SLC17A3: variants seen among roughly 807,000 people sequenced by gnomAD.
The protein encoded by SLC17A3 is sodium-dependent phosphate transport protein 4.
In SLC17A3, 61 loss-of-function variants were observed where a neutral mutation model predicts 60.3. That is an observed-to-expected ratio of 1.01 (90% CI 0.82 to 1.25). The LOEUF is 1.25. Ranked by LOEUF, SLC17A3 falls within the 50% of genes most tolerant of loss-of-function variation. SLC17A3 has a pLI of 0.00. For missense variants in SLC17A3, 624 were observed against 594.9 expected (o/e 1.05, Z -0.51); for synonymous variants, 192 against 208.9 (o/e 0.92, Z 0.70).
chr6:25,845,396 G>C lies in SLC17A3; in HGVS notation c.1483C>G (p.Leu495Val). ...DVQEWAKERK[L>V]TRL is the part of the protein sequence containing the mutation. ...ATCCTTTACCTTCATAAACGAGTGA[G>C]TTTTCTCTCTTTAGCCCATTCTTGG... Residue 495 changes from leucine to valine, a missense_variant, in exon 12 of 13, where the codon CTC becomes GTC. By Grantham distance (32) the Leu-to-Val change is conservative. Transcript: ENST00000397060. 2 of 1,613,976 alleles carry C rather than the reference G, an allele frequency of 1.2e-6. No homozygotes were observed. Among genetic ancestry groups the C allele is most frequent in the East Asian group, 2.2e-5 (1 of 44,850 alleles).
intron 1 of SLC17A3, among the ~76,000 whole-genome samples, chr6:25,870,009 A>T (rs1174646816): frequency 6.6e-6 from 1 of 151,954 alleles, no homozygotes; most frequent in African/African-American, 2.4e-5. Context: ...TTATCCATTT[A>T]TTTACCTTTT....
Position 25,862,464 on chromosome 6 carries a change from A to G in SLC17A3, c.92-20T>C, listed in dbSNP as rs1404713757. On this transcript the variant is annotated intron_variant, in intron 2 of 12. Transcript: ENST00000397060. Reference sequence around the variant, plus strand: ...TTGGAACTGGAAATATTATGACATCATATTAGTGTTTTTTAAAATTGAGCT... The same window carrying G: ...TTGGAACTGGAAATATTATGACATCGTATTAGTGTTTTTTAAAATTGAGCT... 1 of 1,584,006 alleles carries G rather than the reference A, an allele frequency of 6.3e-7. No homozygotes were observed. Among genetic ancestry groups the G allele is most frequent in the South Asian group, 1.1e-5 (1 of 90,430 alleles).
In SLC17A3 at chr6:25,861,607, G is replaced by A; in HGVS notation, c.625+17C>T. Reference sequence around the variant, plus strand: ...ATGTTGGATTGTAGTGTACCCATTTGGATTACATGTCCTTACCTGATAAAG... The same window carrying A: ...ATGTTGGATTGTAGTGTACCCATTTAGATTACATGTCCTTACCTGATAAAG... On this transcript the variant is annotated intron_variant, in intron 5 of 12. Transcript: ENST00000397060. 6.2e-7 allele frequency: 1 copy of A among 1,606,494 alleles called. No homozygotes were observed.
Position 25,855,236 on chromosome 6 carries a change from A to C in SLC17A3, c.626-6T>G, listed in dbSNP as rs1561855820. 6.2e-7 allele frequency: 1 copy of C among 1,604,030 alleles called. No individual in the cohort carries two copies. Among genetic ancestry groups the C allele is most frequent in the Non-Finnish European group, 8.5e-7 (1 of 1,171,398 alleles). On this transcript the variant is annotated splice_polypyrimidine_tract_variant and splice_region_variant and intron_variant, in intron 5 of 12. Transcript: ENST00000397060. Reference sequence around the variant, plus strand: ...AAAGCATCCCAGTAACATTCCTGCAAAGAGAGAGAAAGTAAGCTGTGGGAC... The same window carrying C: ...AAAGCATCCCAGTAACATTCCTGCACAGAGAGAGAAAGTAAGCTGTGGGAC...
chr6:25,861,663 G>A lies in SLC17A3; in HGVS notation c.586C>T (p.Pro196Ser), dbSNP rs1765448587. ...CTGCAGAGTCTGCTTCGTTCTTGTG[G>A]AGGGCCCCACTTTTCCCAAATTGCA... Reference protein sequence around the residue: ...QFAIWEKWGPPQERSRLCSIA... With the variant: ...QFAIWEKWGPSQERSRLCSIA... Residue 196 changes from proline (P) to serine (S), a missense_variant, in exon 5 of 13, where the codon CCA becomes TCA. Transcript: ENST00000397060. 6.2e-7 allele frequency: 1 copy of A among 1,613,902 alleles called. No individual in the cohort carries two copies. Among genetic ancestry groups the A allele is most frequent in the Non-Finnish European group, 8.5e-7 (1 of 1,179,928 alleles).
In SLC17A3 at chr6:25,861,903, C is replaced by A; in HGVS notation, c.430G>T (p.Gly144Cys). ...AGRVGTKRVV[G>C]ISLFATSFLT... is the part of the protein sequence containing the mutation. Reference sequence around the variant, plus strand: ...AATGAAGTTGCAAACAAAGAAATGCCAACCACTCGCTTTGTTCCTACTCTT... The same window carrying A: ...AATGAAGTTGCAAACAAAGAAATGCAAACCACTCGCTTTGTTCCTACTCTT... The change falls in exon 4 of 13, where the codon GGC becomes TGC. Residue 144 changes from glycine to cysteine, a missense_variant. Physicochemically the swap from Gly to Cys is radical, Grantham distance 159 (BLOSUM62 -3). Transcript: ENST00000397060. 6.2e-7 allele frequency: 1 copy of A among 1,612,758 alleles called. No homozygotes were observed. Among genetic ancestry groups the A allele is most frequent in the Non-Finnish European group, 8.5e-7 (1 of 1,179,356 alleles).
chr6:25,865,939 T>A (rs551159715), intron 2 of SLC17A3, among the ~76,000 whole-genome samples: 1 of 152,032 alleles, frequency 6.6e-6, no homozygotes, highest in Admixed American at 6.6e-5. Flanking sequence ...GGTTTTTGAA[T>A]GTGAGAGGTT....
At position 25,850,450 on chromosome 6, in the gene SLC17A3, C is replaced by T; in HGVS notation, c.993+9G>A. ...AGCAGGAGAAAGGAAGGGAAGGAAA[C>T]ATACTCACGTCTCTGATGTTAACAT... On this transcript the variant is annotated intron_variant, in intron 8 of 12. Transcript: ENST00000397060. 1 of 1,613,338 alleles carries T rather than the reference C, an allele frequency of 6.2e-7. No individual in the cohort carries two copies. Among genetic ancestry groups the T allele is most frequent in the Non-Finnish European group, 8.5e-7 (1 of 1,179,442 alleles).
intron 2 of SLC17A3, among the ~76,000 whole-genome samples, chr6:25,866,562 G>A (rs977780938): frequency 6.6e-6 from 1 of 151,794 alleles, no homozygotes; most frequent in Admixed American, 6.6e-5. Flanking sequence ...CTATGTTTAT[G>A]GTAATATGCA....
intron 6 of SLC17A3, among the ~76,000 whole-genome samples, chr6:25,853,713 C>T (rs376832260): frequency 3.9e-5 from 6 of 151,980 alleles, no homozygotes; most frequent in East Asian, 1.9e-4. Context: ...CCACCGCACC[C>T]GGCCTTCTGC....
Position 25,850,785 on chromosome 6 carries a change from A to T in SLC17A3, c.805T>A (p.Tyr269Asn). 6.2e-7 allele frequency: 1 copy of T among 1,613,870 alleles called. No homozygotes were observed. The highest frequency in any genetic ancestry group is 8.5e-7 in the Non-Finnish European group (1 of 1,179,758). ...TGTTGTTTCAAGGAGGATATGATGT[A>T]TTCTTTTTCTGAGGTGCTTATCCAT... is the stretch of plus-strand genomic sequence containing the variant. ...YPWISTSEKE[Y>N]IISSLKQQVG... Residue 269 changes from tyrosine (Y) to asparagine (N), a missense_variant, in exon 7 of 13, where the codon TAC becomes AAC. Physicochemically the swap from Tyr to Asn is moderately radical, Grantham distance 143 (BLOSUM62 -2). Coordinates refer to ENST00000397060, the MANE Select transcript of SLC17A3 (RefSeq NM_001098486.2).
intron 4 of SLC17A3, 41 bp from the exon 5 acceptor site, chr6:25,861,752 T>C (rs1328705650): frequency 6.2e-7 from 1 of 1,610,342 alleles, no homozygotes; most frequent in East Asian, 2.2e-5. Flanking sequence ...TGTGGTGCCA[T>C]GTAGAAATTC....
rs1452515717 is a variant in SLC17A3 at position 25,862,420 on chromosome 6, T to C, written c.116A>G (p.Tyr39Cys). 3.7e-6 allele frequency: 6 copies of C among 1,613,350 alleles called. No homozygotes were observed. The African/African-American group carries it at 5.3e-5, about 14-fold the overall frequency. Residue 39 changes from tyrosine (Y) to cysteine (C), a missense_variant, in exon 3 of 13, where the codon TAT becomes TGT. Physicochemically the swap from Tyr to Cys is radical, Grantham distance 194. Transcript: ENST00000397060. ...RKVPSLCSARYGIALVLHFCN... is the reference protein window; with the variant it reads ...RKVPSLCSARCGIALVLHFCN... ...GAAATGTAAGACGAGGGCTATTCCATAGCGAGCAGAACATAAACTTGGAAC... is the reference window on the plus strand; with the variant it reads ...GAAATGTAAGACGAGGGCTATTCCACAGCGAGCAGAACATAAACTTGGAAC...
chr6:25,850,206 A>T, intron 8 of SLC17A3, 29 bp from the exon 9 acceptor site: 1 of 1,607,694 alleles, frequency 6.2e-7, no homozygotes, highest in Non-Finnish European at 8.5e-7. Flanking sequence ...GTAAATTACC[A>T]TAATAAAGGC....
At chr6:25,869,564 G>T (rs1765603612) in intron 1 of SLC17A3, among the ~76,000 whole-genome samples, 1 of 151,918 alleles carries the variant, frequency 6.6e-6, no homozygotes, top group South Asian at 2.1e-4. Context: ...AGGTTTAATG[G>T]ACTCACAGTT....
At chr6:25,848,702 T>C (rs1765219427) in intron 11 of SLC17A3, among the ~76,000 whole-genome samples, 1 of 152,138 alleles carries the variant, frequency 6.6e-6, no homozygotes, top group South Asian at 2.1e-4. Flanking sequence ...AAGGATTTCA[T>C]GACCAAGAAC....
intron 7 of SLC17A3, 41 bp downstream of exon 7, chr6:25,850,718 G>A: frequency 6.2e-7 from 1 of 1,604,202 alleles, no homozygotes; most frequent in Non-Finnish European, 8.5e-7. Context: ...AGAAAATCCA[G>A]ATACAAGGTC....
chr6:25,871,500 C>CGGGGGA (rs1389614748), intron 1 of SLC17A3, among the ~76,000 whole-genome samples: 10 of 55,930 alleles, frequency 1.8e-4, no homozygotes, highest in African/African-American at 8.9e-4. Context: ...GGGGTGGGGG[C>CGGGGGA]GGGGGAGGGA....
chr6:25,868,354 T>G lies in SLC17A3; in HGVS notation c.34A>C (p.Arg12=). The G allele has an allele frequency of 6.2e-7, 1 of 1,612,226 alleles. No individual in the cohort carries two copies. Among genetic ancestry groups the G allele is most frequent in the Non-Finnish European group, 8.5e-7 (1 of 1,178,794 alleles). Residue 12 remains arginine, a synonymous_variant, in exon 2 of 13, where the codon AGG becomes CGG. Coordinates refer to ENST00000397060, the MANE Select transcript of SLC17A3 (RefSeq NM_001098486.2). ...ATATCTTGTGCGTTCTTGCTCTCCCTTGCTGTGGGACTCAACTCTGTCTTG... is the reference window on the plus strand; with the variant it reads ...ATATCTTGTGCGTTCTTGCTCTCCCGTGCTGTGGGACTCAACTCTGTCTTG... ...ATKTELSPTA[R]ESKNAQDMQV...
Sources: allele counts gnomAD v4.1 joint callset (sites outside exome capture counted in the v4.1 genomes callset), GRCh38; gene constraint gnomAD v4.1.1; transcripts MANE v1.5; gene names NCBI Gene and HGNC (gene_info 2026-07-23, HGNC 2026-07-21).